The following LRP5 variants were observed in gnomAD, a reference collection of about 807,000 sequenced individuals.
LRP5 encodes LDL receptor related protein 5.
Under a neutral mutation model 154.1 loss-of-function variants are expected in LRP5, and 62 were observed. The observed-to-expected ratio is 0.40, with a 90% confidence interval of 0.33 to 0.50. The LOEUF (loss-of-function observed/expected upper bound fraction) is 0.50. Among genes scored for constraint, LRP5 ranks in the 20% least tolerant of loss-of-function variants. The pLI, the probability that LRP5 is intolerant of heterozygous loss-of-function variation, is 0.55. For missense variants in LRP5, 1,915 were observed against 2,336.7 expected (o/e 0.82, Z 3.72); for synonymous variants, 966 against 1,011.5 (o/e 0.96, Z 0.85).
chr11:68,389,932 C>T lies in LRP5; in HGVS notation c.1464C>T (p.Asn488=). The change falls in exon 7 of 23, where the codon AAC becomes AAT. Residue 488 remains asparagine, a synonymous_variant. Coordinates refer to ENST00000294304, the MANE Select transcript of LRP5 (RefSeq NM_002335.4). ...WGENPKIECA[N]LDGQERRVLV... The stretch of plus-strand genomic sequence containing the variant: ...AGAACCCTAAAATCGAGTGTGCCAA[C>T]TTGGATGGGCAGGAGCGGCGTGTGC... The T allele has an allele frequency of 2.5e-6, 4 of 1,614,254 alleles. No individual in the cohort carries two copies. The highest frequency in any genetic ancestry group is 1.1e-5 in the South Asian group (1 of 91,088).
At chr11:68,374,135 G>A (rs1341790860) in intron 5 of LRP5, among the ~76,000 whole-genome samples, 2 of 152,214 alleles carry the variant, frequency 1.3e-5, no homozygotes, top group African/African-American at 2.4e-5. Flanking sequence ...GATGGAGTGG[G>A]GGCAGCGGGA....
At chr11:68,344,849 CTTTTTT>C (rs58477287) in intron 1 of LRP5, among the ~76,000 whole-genome samples, 6 of 65,544 alleles carry the variant, frequency 9.2e-5, no homozygotes, top group African/African-American at 2.5e-4. Context: ...GAATCTCTCT[CTTTTTT>C]TTTTTTTTTT....
In LRP5 at chr11:68,413,795, G is replaced by T. The variant is rs554108619; in HGVS notation, c.2610G>T (p.Arg870=). 1.2e-6 allele frequency: 2 copies of T among 1,613,562 alleles called. No individual in the cohort carries two copies. Among genetic ancestry groups the T allele is most frequent in the Non-Finnish European group, 8.5e-7 (1 of 1,179,772 alleles). ...ACTGGAATCTGCACAGCATTGAGCG[G>T]GCCGACAAGACTAGCGGCCGGAACC... ...WTDWNLHSIE[R]ADKTSGRNRT... Residue 870 remains arginine (R), a synonymous_variant, in exon 12 of 23, where the codon CGG becomes CGT. Transcript: ENST00000294304. This position sits in a 1 kb window ranked among gnomAD's most constrained non-coding sequence, Gnocchi z 5.1.
chr11:68,389,279 C>T (rs1270949425), intron 6 of LRP5, among the ~76,000 whole-genome samples: 1 of 115,972 alleles, frequency 8.6e-6, no homozygotes, highest in African/African-American at 3.2e-5. Context: ...CTGACATTTA[C>T]CAACACTGAC....
At chr11:68,372,212 G>A (rs1331319080) in intron 5 of LRP5, among the ~76,000 whole-genome samples, 2 of 152,048 alleles carry the variant, frequency 1.3e-5, no homozygotes, top group East Asian at 3.9e-4. Context: ...AGGCAGACCC[G>A]GGACCGTGGC....
chr11:68,315,337 G>T (rs532127178), intron 1 of LRP5, among the ~76,000 whole-genome samples: 3 of 152,314 alleles, frequency 2.0e-5, no homozygotes, highest in African/African-American at 7.2e-5. Flanking sequence ...CAATAGTCTG[G>T]ATTTTTCCTG....
chr11:68,394,997 A>G (rs543676178), intron 7 of LRP5, among the ~76,000 whole-genome samples: 2 of 152,178 alleles, frequency 1.3e-5, no homozygotes, highest in Admixed American at 1.3e-4. Context: ...CAAGATTGGA[A>G]CACATTGAGA....
intron 1 of LRP5, among the ~76,000 whole-genome samples, chr11:68,337,417 G>T (rs1022371054): frequency 6.6e-6 from 1 of 152,188 alleles, no homozygotes; most frequent in East Asian, 1.9e-4. Context: ...AGTTGTTTGT[G>T]AGGCATTGTG....
At chr11:68,366,127 G>A (rs1462590812) in intron 5 of LRP5, among the ~76,000 whole-genome samples, 1 of 152,102 alleles carries the variant, frequency 6.6e-6, no homozygotes, top group African/African-American at 2.4e-5. Flanking sequence ...GGATGCTCCC[G>A]GGCCTGGGAT....
intron 20 of LRP5, among the ~76,000 whole-genome samples, chr11:68,439,134 G>C (rs903976873): frequency 9.9e-5 from 15 of 152,222 alleles, no homozygotes; most frequent in Non-Finnish European, 5.9e-5. Flanking sequence ...AACGCAGGCT[G>C]TGTTTGTAGA....
rs80008081 is a variant in LRP5, at chr11:68,437,055, G to A, written c.4111+56G>A. ...GTCCGGGCTGGGTTCCCCCAGGAAC[G>A]TGGAGTTTAGGGGAGGAGACGTGCC... On this transcript the variant is annotated intron_variant, in intron 19 of 22. Transcript: ENST00000294304. 3.0e-3 allele frequency: 4,332 copies of A among 1,463,326 alleles called. 107 individuals are homozygous for A. In the African/African-American group the frequency reaches 0.05, roughly 17 times the overall value. 90.6% of individuals were successfully genotyped at this position (1,463,326 alleles called of 1,614,324 possible).
Position 68,413,974 on chromosome 11 carries a change from C to T in LRP5, c.2789C>T (p.Ser930Leu), listed in dbSNP as rs2153168233. Residue 930 changes from serine to leucine, a missense_variant, in exon 12 of 23, where the codon TCA becomes TTA. Ser to Leu is a moderately radical substitution (Grantham distance 145). Coordinates refer to ENST00000294304, the MANE Select transcript of LRP5 (RefSeq NM_002335.4). This position sits in a 1 kb window ranked among gnomAD's most constrained non-coding sequence, Gnocchi z 5.1. The part of the protein sequence containing the change: ...IPGGHRCGCA[S>L]HYTLDPSSRN... The stretch of plus-strand genomic sequence containing the variant: ...GGCGGCCACCGCTGCGGCTGCGCCT[C>T]ACACTACACCCTGGACCCCAGCAGC... The T allele has an allele frequency of 3.7e-6, 6 of 1,606,402 alleles. No homozygotes were observed. Among genetic ancestry groups the T allele is most frequent in the Non-Finnish European group, 5.1e-6 (6 of 1,179,920 alleles).
intron 5 of LRP5, among the ~76,000 whole-genome samples, chr11:68,372,503 T>TGGCGGCAAGGAGGTGCAG (rs1565353690): frequency 2.1e-5 from 1 of 47,954 alleles, no homozygotes; most frequent in Non-Finnish European, 4.1e-5. Flanking sequence ...GACCGGGGAC[T>TGGCGGCAAGGAGGTGCAG]TGGAGCACCT....
intron 21 of LRP5, among the ~76,000 whole-genome samples, chr11:68,441,526 C>A (rs969050936): frequency 6.6e-6 from 1 of 152,190 alleles, no homozygotes; most frequent in Non-Finnish European, 1.5e-5. Flanking sequence ...GAACTGGTAA[C>A]CAGAAGCCGA....
chr11:68,389,039 A>G (rs1334537529), intron 6 of LRP5, among the ~76,000 whole-genome samples: 1 of 150,350 alleles, frequency 6.7e-6, no homozygotes, highest in Non-Finnish European at 1.5e-5. Flanking sequence ...GCATCTACCA[A>G]CACTGACATT....
intron 1 of LRP5, among the ~76,000 whole-genome samples, chr11:68,317,641 TCTGAGGTCCCTGCCCATTCC>T (rs1339631860): frequency 6.6e-6 from 1 of 152,214 alleles, no homozygotes; most frequent in African/African-American, 2.4e-5. Flanking sequence ...TGGGTGGCGC[TCTGAGGTCCCTGCCCATTCC>T]CCAGCCCCAT....
chr11:68,399,902 C>A lies in LRP5; in HGVS notation c.1585-3581C>A, dbSNP rs185862779. Among the ~76,000 whole-genome samples the A allele has an allele frequency of 2.6e-5, 4 of 152,356 alleles. No homozygotes were observed. In the East Asian group the frequency reaches 5.8e-4, roughly 22 times the overall value. Reference sequence around the variant, plus strand: ...TAGAGCAACTGAGAGCTGCTCATTGCAAGCCTGATGTTTTCCCAGTTGGCC... The same window carrying A: ...TAGAGCAACTGAGAGCTGCTCATTGAAAGCCTGATGTTTTCCCAGTTGGCC... On this transcript the variant is annotated intron_variant, in intron 7 of 22. Transcript: ENST00000294304.
intron 13 of LRP5, among the ~76,000 whole-genome samples, chr11:68,420,888 G>A (rs1264581467): frequency 1.3e-5 from 2 of 152,056 alleles, no homozygotes; most frequent in African/African-American, 2.4e-5. Context: ...TAGGATTCTG[G>A]TAAGAAAGTT....
At position 68,409,860 on chromosome 11, in the gene LRP5, A is replaced by T. The variant is rs1429846445; in HGVS notation, c.2092-54A>T. Reference sequence around the variant, plus strand: ...AGCGAAACTCCGTCTCAAAAAAAAAAAAAAAGATGCTGGTTCCTAAAATGT... The same window carrying T: ...AGCGAAACTCCGTCTCAAAAAAAAATAAAAAGATGCTGGTTCCTAAAATGT... On this transcript the variant is annotated intron_variant, in intron 9 of 22. Coordinates refer to ENST00000294304, the MANE Select transcript of LRP5 (RefSeq NM_002335.4). The T allele has an allele frequency of 3.5e-6, 5 of 1,436,928 alleles. No individual in the cohort carries two copies. The Admixed American group carries it at 8.4e-5, about 24-fold the overall frequency. The allele number at this position is 1,436,928 out of a possible 1,614,324, so 89.0% of individuals were successfully genotyped here.
Sources: allele counts gnomAD v4.1 joint callset (sites outside exome capture counted in the v4.1 genomes callset), GRCh38; gene constraint gnomAD v4.1.1; non-coding constraint Gnocchi (gnomAD v3.1); transcripts MANE v1.5; gene names NCBI Gene and HGNC (gene_info 2026-07-23, HGNC 2026-07-21).